The following NLGN4X variants were observed in gnomAD, a reference collection of about 807,000 sequenced individuals.
NLGN4X encodes neuroligin 4 X-linked.
NLGN4X carries 3 observed loss-of-function variants against 40.3 expected under a neutral mutation model. That is an observed-to-expected ratio of 0.07 (90% CI 0.03 to 0.19). NLGN4X has a LOEUF of 0.19. Among genes scored for constraint, NLGN4X ranks in the 10% least tolerant of loss-of-function variants. NLGN4X has a pLI of 1.00. For missense variants in NLGN4X, 382 were observed against 708.3 expected (o/e 0.54, Z 5.23); for synonymous variants, 270 against 306.8 (o/e 0.88, Z 1.25).
intron 3 of NLGN4X, among the ~76,000 whole-genome samples, chrX:6,001,891 A>G (rs1226336413): frequency 8.9e-6 from 1 of 111,983 alleles, no homozygotes; most frequent in Non-Finnish European, 1.9e-5. Flanking sequence ...GTTGTGTTTT[A>G]ATCTCATTTG....
chrX:6,218,232 C>T (rs1278537979), intron 1 of NLGN4X, among the ~76,000 whole-genome samples: 4 of 111,609 alleles, frequency 3.6e-5, no homozygotes, highest in Non-Finnish European at 7.5e-5. Context: ...ATCATATTAA[C>T]TCCATGATGT....
At chrX:6,124,469 G>C (rs2039497774) in intron 2 of NLGN4X, among the ~76,000 whole-genome samples, 1 of 111,779 alleles carries the variant, frequency 8.9e-6, no homozygotes, top group South Asian at 3.7e-4. Context: ...ATCACTTGAG[G>C]CCAGGAGTTG....
intron 2 of NLGN4X, among the ~76,000 whole-genome samples, chrX:6,055,930 C>T (rs1211688785): frequency 8.9e-6 from 1 of 111,844 alleles, no homozygotes; most frequent in Non-Finnish European, 1.9e-5. Context: ...TTGGCAATTT[C>T]TTACCTTTCA....
intron 1 of NLGN4X, among the ~76,000 whole-genome samples, chrX:6,201,755 C>T (rs1923635229): frequency 9.0e-6 from 1 of 110,750 alleles, no homozygotes; most frequent in Non-Finnish European, 1.9e-5. Flanking sequence ...GATGATGGGA[C>T]AATTTTGGGA....
At chrX:6,088,652 A>G (rs1006603606) in intron 2 of NLGN4X, among the ~76,000 whole-genome samples, 3 of 112,189 alleles carry the variant, frequency 2.7e-5, no homozygotes, top group African/African-American at 9.7e-5. Flanking sequence ...GATTAAAACT[A>G]GAAAGAGAAA....
At position 6,151,511 on chromosome X, in the gene NLGN4X, C is replaced by G. The variant is rs1005876191; in HGVS notation, c.-45G>C. On this transcript the variant is annotated 5_prime_UTR_variant, in exon 2 of 6. Transcript: ENST00000381095. ...ATCCACAGCTGTCCCAGTGATGTGG[C>G]TCCAAGGAGACAAAGCCCAGAGGCG... The G allele has an allele frequency of 9.0e-7, 1 of 1,111,765 alleles. No individual in the cohort carries two copies. The highest frequency in any genetic ancestry group is 1.2e-6 in the Non-Finnish European group (1 of 805,768). 91.6% of individuals were successfully genotyped at this position (1,111,765 alleles called of 1,213,427 possible).
At chrX:5,960,722 T>C (rs2034632512) in intron 3 of NLGN4X, among the ~76,000 whole-genome samples, 1 of 111,430 alleles carries the variant, frequency 9.0e-6, no homozygotes, top group South Asian at 3.7e-4. Flanking sequence ...TAGCGGCACA[T>C]GAGAGGAAGA....
intron 3 of NLGN4X, among the ~76,000 whole-genome samples, chrX:6,012,556 G>A (rs770554415): frequency 2.3e-4 from 26 of 111,567 alleles, no homozygotes; most frequent in East Asian, 2.3e-3. Flanking sequence ...AGTGGGTTGC[G>A]TAATATCCTC....
intron 3 of NLGN4X, among the ~76,000 whole-genome samples, chrX:5,965,420 G>C (rs1452762433): frequency 1.8e-5 from 2 of 111,966 alleles, no homozygotes; most frequent in Non-Finnish European, 3.8e-5. Context: ...TGAAAACCTT[G>C]GAGGCACTCT....
At position 5,909,223 on chromosome X, in the gene NLGN4X, A is replaced by C. The variant is rs180861239; in HGVS notation, c.642T>G (p.Gly214=). ...CATAGTTGCCTTTTGCTGCCTGGTCACCGGTACTTAAAAACCCTACAAAAG... is the reference window on the plus strand; with the variant it reads ...CATAGTTGCCTTTTGCTGCCTGGTCCCCGGTACTTAAAAACCCTACAAAAG... The part of the protein sequence containing the change: ...RLGILGFLST[G]DQAAKGNYGL... The change falls in exon 4 of 6, where the codon GGT becomes GGG. Residue 214 remains glycine, a synonymous_variant. Coordinates refer to ENST00000381095, the MANE Select transcript of NLGN4X (RefSeq NM_181332.3). 6.6e-6 allele frequency: 8 copies of C among 1,209,756 alleles called. No individual in the cohort carries two copies. In the African/African-American group the frequency reaches 1.4e-4, roughly 21 times the overall value.
chrX:6,083,965 A>C (rs2038434205), intron 2 of NLGN4X, among the ~76,000 whole-genome samples: 1 of 112,350 alleles, frequency 8.9e-6, no homozygotes, highest in African/African-American at 3.2e-5. Context: ...GAAGATAAGA[A>C]GATGCAATGA....
chrX:5,965,941 A>G (rs780825072), intron 3 of NLGN4X, among the ~76,000 whole-genome samples: 3 of 111,665 alleles, frequency 2.7e-5, no homozygotes, highest in East Asian at 5.6e-4. Context: ...TAACTTTATC[A>G]CTAGACTGCA....
intron 3 of NLGN4X, among the ~76,000 whole-genome samples, chrX:5,957,605 G>A (rs1300761710): frequency 4.5e-5 from 5 of 112,048 alleles, no homozygotes. Flanking sequence ...TAGTTGACCA[G>A]GGAAAGTTAC....
At chrX:6,116,537 C>G (rs188645015) in intron 2 of NLGN4X, among the ~76,000 whole-genome samples, 2,997 of 92,212 alleles carry the variant, frequency 0.033, 104 homozygotes, top group African/African-American at 0.1. Flanking sequence ...TGCCTCAGCC[C>G]CCGCCTCCCA....
intron 1 of NLGN4X, among the ~76,000 whole-genome samples, chrX:6,182,191 C>G (rs1328442133): frequency 1.8e-5 from 2 of 111,774 alleles, no homozygotes; most frequent in East Asian, 5.6e-4. Flanking sequence ...AACTTAGGGC[C>G]AAATCACCTA....
At chrX:6,135,880 C>T (rs759910940) in intron 2 of NLGN4X, among the ~76,000 whole-genome samples, 36 of 111,810 alleles carry the variant, frequency 3.2e-4, no homozygotes, top group African/African-American at 6.2e-4. Context: ...CTAAATGCAC[C>T]GCTAGTAAAT....
At chrX:6,153,280 T>C (rs980419408) in intron 1 of NLGN4X, among the ~76,000 whole-genome samples, 1 of 111,252 alleles carries the variant, frequency 9.0e-6, no homozygotes, top group Non-Finnish European at 1.9e-5. Context: ...GGAAATTCCA[T>C]AGTACATGAC....
intron 2 of NLGN4X, among the ~76,000 whole-genome samples, chrX:6,044,106 AAAAT>A (rs36167131): frequency 0.45 from 42,856 of 96,254 alleles, 7,302 homozygotes; most frequent in Admixed American, 0.52. Flanking sequence ...GTTTCTATTA[AAAAT>A]AAATAAATAA....
intron 3 of NLGN4X, among the ~76,000 whole-genome samples, chrX:5,989,075 TAA>T (rs202163877): frequency 0.048 from 4,268 of 89,523 alleles, 83 homozygotes; most frequent in Non-Finnish European, 0.058. Context: ...CTCAAAAAAA[TAA>T]AAAAAATAAA....
Sources: gnomAD v4.1 joint callset for allele counts (sites outside exome capture counted in the v4.1 genomes callset) on GRCh38, gnomAD v4.1.1 for gene constraint, MANE v1.5 for transcripts, NCBI Gene and HGNC (gene_info 2026-07-23, HGNC 2026-07-21) for gene names.